The following WWOX variants were observed in gnomAD, a reference collection of about 807,000 sequenced individuals.
WWOX encodes the protein WW domain-containing oxidoreductase.
WWOX carries 69 observed loss-of-function variants against 46.2 expected under a neutral mutation model. That is an observed-to-expected ratio of 1.49 (90% CI 1.23 to 1.82). The LOEUF is 1.82. Ranked by LOEUF, WWOX falls within the 40% of genes most tolerant of loss-of-function variation. The pLI is 0.00. For synonymous variants in WWOX, 359 were observed against 202.6 expected, an observed-to-expected ratio of 1.77 and a Z score of -6.56; for missense variants, 919 against 542.6, an observed-to-expected ratio of 1.69 and a Z score of -6.89.
intron 8 of WWOX, among the ~76,000 whole-genome samples, chr16:79,210,675 C>T (rs541087388): frequency 5.4e-4 from 82 of 152,064 alleles, no homozygotes; most frequent in Non-Finnish European, 1.1e-3. Context: ...AGAGACGTGC[C>T]GACCATGTCT....
rs2051790012 is a variant in WWOX, at chr16:79,212,259, G to A, written c.*463G>A. 1 of 1,300,390 alleles carries A rather than the reference G, an allele frequency of 7.7e-7. No homozygotes were observed. Among genetic ancestry groups the A allele is most frequent in the Non-Finnish European group, 1.0e-6 (1 of 978,542 alleles). The allele number at this position is 1,300,390 out of a possible 1,614,324, so 80.6% of individuals were successfully genotyped here. ...TGCTGCATTGATCCAGGAGATAATT[G>A]TTTCATTCATCCTGACCAAGACTGA... On this transcript the variant is annotated 3_prime_UTR_variant, in exon 9 of 9. Transcript: ENST00000566780.
chr16:78,728,327 C>T (rs1022573233), intron 8 of WWOX, among the ~76,000 whole-genome samples: 2 of 152,014 alleles, frequency 1.3e-5, no homozygotes, highest in African/African-American at 4.8e-5. Flanking sequence ...GCCTTGGCCT[C>T]CCAAAGTGCT....
At chr16:79,182,274 G>A (rs969336387) in intron 8 of WWOX, among the ~76,000 whole-genome samples, 1 of 151,902 alleles carries the variant, frequency 6.6e-6, no homozygotes, top group Non-Finnish European at 1.5e-5. Context: ...GGGTATCCAG[G>A]ATTCCTGGCC....
intron 8 of WWOX, among the ~76,000 whole-genome samples, chr16:78,600,331 G>C (rs1452030103): frequency 1.3e-5 from 2 of 152,072 alleles, no homozygotes; most frequent in Non-Finnish European, 2.9e-5. Context: ...AACAGACCAA[G>C]TAGAGACTCA....
At chr16:78,640,440 C>G (rs1475290806) in intron 8 of WWOX, among the ~76,000 whole-genome samples, 2 of 151,946 alleles carry the variant, frequency 1.3e-5, no homozygotes, top group African/African-American at 2.4e-5. Flanking sequence ...CTCACGTCTC[C>G]ACATTCTGCA....
In WWOX at chr16:78,415,435, C is replaced by T. The variant is rs115708082; in HGVS notation, c.606-9435C>T. Reference sequence around the variant, plus strand: ...TATGACCTGTATCTTGTGCTGACCTCCTATGTTATCCTGTAACTTAGAATG... The same window carrying T: ...TATGACCTGTATCTTGTGCTGACCTTCTATGTTATCCTGTAACTTAGAATG... On this transcript the variant is annotated intron_variant, in intron 6 of 8. Transcript: ENST00000566780. 3.6e-3 allele frequency among the ~76,000 whole-genome samples: 545 copies of T among 152,214 alleles called. 5 individuals are homozygous for T. Among genetic ancestry groups the T allele is most frequent in the African/African-American group, 0.013 (527 of 41,520 alleles).
chr16:78,640,536 A>C (rs968535485), intron 8 of WWOX, among the ~76,000 whole-genome samples: 1 of 152,198 alleles, frequency 6.6e-6, no homozygotes, highest in East Asian at 1.9e-4. Flanking sequence ...CCCGTGCTGA[A>C]TATGTAGGTG....
At chr16:78,776,601 T>G (rs1439158099) in intron 8 of WWOX, among the ~76,000 whole-genome samples, 2 of 152,144 alleles carry the variant, frequency 1.3e-5, no homozygotes, top group Non-Finnish European at 2.9e-5. Flanking sequence ...GGATGGATGT[T>G]TAGCTCACTT....
chr16:78,803,887 A>G (rs1328878868), intron 8 of WWOX, among the ~76,000 whole-genome samples: 1 of 152,164 alleles, frequency 6.6e-6, no homozygotes, highest in Non-Finnish European at 1.5e-5. Flanking sequence ...TTTCTCCCAA[A>G]TAACCATCAC....
At chr16:78,538,468 A>G (rs762929846) in intron 8 of WWOX, among the ~76,000 whole-genome samples, 4 of 152,146 alleles carry the variant, frequency 2.6e-5, no homozygotes, top group Non-Finnish European at 5.9e-5. Context: ...TGTAATGAAG[A>G]TGGAATGACT....
At chr16:78,519,254 G>A (rs374080074) in intron 8 of WWOX, among the ~76,000 whole-genome samples, 35 of 152,168 alleles carry the variant, frequency 2.3e-4, no homozygotes, top group African/African-American at 5.3e-4. Context: ...AAGGACTTGC[G>A]GAGTGCCTAG....
At chr16:79,020,641 A>T (rs1471427437) in intron 8 of WWOX, among the ~76,000 whole-genome samples, 1 of 152,170 alleles carries the variant, frequency 6.6e-6, no homozygotes, top group Non-Finnish European at 1.5e-5. Context: ...GGGGAAGGGG[A>T]CATTTCAGGC....
At chr16:78,823,167 C>T (rs1169808259) in intron 8 of WWOX, among the ~76,000 whole-genome samples, 4 of 152,218 alleles carry the variant, frequency 2.6e-5, no homozygotes, top group East Asian at 1.9e-4. Context: ...AGCCCTGCTG[C>T]TGAGGTCATT....
At chr16:78,690,494 G>T (rs2047960115) in intron 8 of WWOX, among the ~76,000 whole-genome samples, 1 of 152,148 alleles carries the variant, frequency 6.6e-6, no homozygotes, top group Non-Finnish European at 1.5e-5. Context: ...CAAGGCTGCA[G>T]TGGGCCATGA....
intron 8 of WWOX, among the ~76,000 whole-genome samples, chr16:78,864,442 A>G (rs886307718): frequency 1.3e-5 from 2 of 151,812 alleles, no homozygotes; most frequent in African/African-American, 2.4e-5. Flanking sequence ...TAAGTTTTGT[A>G]TTTTTTTGTA....
intron 8 of WWOX, among the ~76,000 whole-genome samples, chr16:78,543,147 G>A (rs961917961): frequency 2.0e-5 from 3 of 152,194 alleles, no homozygotes; most frequent in African/African-American, 4.8e-5. Context: ...TGAGGGACCC[G>A]GACTTATAGA....
At chr16:78,193,050 G>C (rs1311975348) in intron 5 of WWOX, among the ~76,000 whole-genome samples, 1 of 152,226 alleles carries the variant, frequency 6.6e-6, no homozygotes, top group East Asian at 1.9e-4. Context: ...GCTTCTCACA[G>C]CGTCTCCTTG....
chr16:78,485,972 C>T (rs970127663), intron 8 of WWOX, among the ~76,000 whole-genome samples: 1 of 152,186 alleles, frequency 6.6e-6, no homozygotes, highest in Non-Finnish European at 1.5e-5. Flanking sequence ...TTAAATGACT[C>T]TGTTACCTAG....
chr16:78,693,554 G>C (rs1051318944), intron 8 of WWOX, among the ~76,000 whole-genome samples: 9 of 152,162 alleles, frequency 5.9e-5, no homozygotes, highest in African/African-American at 2.2e-4. Context: ...AATAGTCATA[G>C]AGTAGTATTT....
Sources: allele counts gnomAD v4.1 joint callset (sites outside exome capture counted in the v4.1 genomes callset), GRCh38; gene constraint gnomAD v4.1.1; transcripts MANE v1.5; gene names NCBI Gene and HGNC (gene_info 2026-07-23, HGNC 2026-07-21).